CDKL1: variants seen among roughly 807,000 people sequenced by gnomAD.
CDKL1 encodes the protein cyclin dependent kinase like 1, also known as cyclin-dependent kinase-like 1.
Under a neutral mutation model 42.0 loss-of-function variants are expected in CDKL1, and 41 were observed. The ratio of observed to expected loss-of-function variants is 0.98; its 90% confidence interval spans 0.76 to 1.27. CDKL1 has a LOEUF of 1.27. CDKL1 is among the 50% of genes most tolerant of loss of function. The probability of loss-of-function intolerance (pLI) is 0.00; values close to 1 mark genes in which losing one functional copy is unlikely to be tolerated. For synonymous variants in CDKL1, 153 were observed against 158.6 expected (o/e 0.96, Z 0.26); for missense variants, 394 against 428.4 (o/e 0.92, Z 0.71).
At chr14:50,380,802 C>CTTTGTTTTTTTTTTTTTTTTTTT (rs368170212) in intron 2 of CDKL1, among the ~76,000 whole-genome samples, 3 of 134,604 alleles carry the variant, frequency 2.2e-5, no homozygotes, top group Admixed American at 1.5e-4. Flanking sequence ...CTGTGACTTC[C>CTTTGTTTTTTTTTTTTTTTTTTT]TTTTTTTTTT....
intron 8 of CDKL1, chr14:50,334,040 G>T (rs1339208077): frequency 6.6e-6 from 1 of 151,966 alleles, no homozygotes; most frequent in Non-Finnish European, 1.5e-5. Context: ...TTTCTGTTTT[G>T]TGTAAATTTA....
chr14:50,353,715 G>C (rs2033971667), intron 3 of CDKL1, among the ~76,000 whole-genome samples: 1 of 151,910 alleles, frequency 6.6e-6, no homozygotes, highest in Non-Finnish European at 1.5e-5. Flanking sequence ...TATAGATAGG[G>C]AGAAAGCTCC....
chr14:50,359,905 C>T (rs1457328942), intron 2 of CDKL1, among the ~76,000 whole-genome samples: 1 of 150,980 alleles, frequency 6.6e-6, no homozygotes, highest in Non-Finnish European at 1.5e-5. Context: ...AGAAGCACTA[C>T]AGCTAGGCAC....
chr14:50,373,229 A>G (rs1437325452), intron 2 of CDKL1, among the ~76,000 whole-genome samples: 1 of 152,232 alleles, frequency 6.6e-6, no homozygotes, highest in Non-Finnish European at 1.5e-5. Context: ...AAGTTGCAAC[A>G]AAGGGTTATA....
Position 50,328,849 on chromosome 14 carries a change from C to T in CDKL1, c.*1225G>A, listed in dbSNP as rs1198128425. The stretch of plus-strand genomic sequence containing the variant: ...TACCAAAAAATACAAAAAAATTAGC[C>T]AGTATAGTGGCACATGCCTGCAGTC... On this transcript the variant is annotated 3_prime_UTR_variant, in exon 10 of 10. Coordinates refer to ENST00000395834, the MANE Select transcript of CDKL1 (RefSeq NM_004196.7). 1.3e-5 allele frequency: 2 copies of T among 151,158 alleles called. No homozygotes were observed. Among genetic ancestry groups the T allele is most frequent in the Admixed American group, 1.3e-4 (2 of 15,140 alleles). The allele number at this position is 151,158 out of a possible 1,614,324, so 9.4% of individuals were successfully genotyped here.
At chr14:50,333,067 ATAGAT>A (rs140347263) in intron 8 of CDKL1, 5,146 of 163,246 alleles carry the variant, frequency 0.032, 293 homozygotes, top group African/African-American at 0.12. Flanking sequence ...TCATTCTTGG[ATAGAT>A]TAGATTAAAT....
intron 8 of CDKL1, chr14:50,332,718 A>C: frequency 6.6e-7 from 1 of 1,522,736 alleles, no homozygotes; most frequent in Non-Finnish European, 8.8e-7. Context: ...ATAATTTTAG[A>C]GTTTACCTCA....
At chr14:50,383,476 C>A (rs1159193587) in intron 2 of CDKL1, among the ~76,000 whole-genome samples, 1 of 149,944 alleles carries the variant, frequency 6.7e-6, no homozygotes, top group East Asian at 2.0e-4. Flanking sequence ...CTTGAACCTG[C>A]GGGGAGGAGG....
chr14:50,358,636 CTTTTT>C (rs71118873), intron 3 of CDKL1, among the ~76,000 whole-genome samples: 12 of 67,664 alleles, frequency 1.8e-4, no homozygotes, highest in South Asian at 1.1e-3. Context: ...TTTAACTAGT[CTTTTT>C]TTTTTTTTTT....
At chr14:50,335,873 G>C (rs1334775372) in intron 7 of CDKL1, 1 of 1,267,574 alleles carries the variant, frequency 7.9e-7, no homozygotes, top group Non-Finnish European at 1.0e-6. Flanking sequence ...TCATTGATAA[G>C]AGTAGGAGAG....
At chr14:50,368,186 C>T (rs2034484175) in intron 2 of CDKL1, among the ~76,000 whole-genome samples, 1 of 152,174 alleles carries the variant, frequency 6.6e-6, no homozygotes, top group African/African-American at 2.4e-5. Flanking sequence ...TCTTGAAATC[C>T]TGGGCTCAAG....
chr14:50,382,114 T>C (rs887582853), intron 2 of CDKL1, among the ~76,000 whole-genome samples: 4 of 152,126 alleles, frequency 2.6e-5, no homozygotes, highest in African/African-American at 9.7e-5. Flanking sequence ...GAAAGGAAAT[T>C]TGTGGCCTAA....
chr14:50,335,181 A>G (rs985282428), intron 7 of CDKL1, among the ~76,000 whole-genome samples: 2 of 150,940 alleles, frequency 1.3e-5, no homozygotes, highest in Admixed American at 1.3e-4. Context: ...CTCTAGTACT[A>G]GCTACTTGGG....
chr14:50,385,805 A>C (rs971984901), intron 2 of CDKL1, among the ~76,000 whole-genome samples: 1 of 141,232 alleles, frequency 7.1e-6, no homozygotes, highest in African/African-American at 2.9e-5. Flanking sequence ...CTCCGTCCCA[A>C]AAAAAAAAAA....
chr14:50,339,597 A>G (rs951171463), intron 6 of CDKL1, among the ~76,000 whole-genome samples: 1 of 152,098 alleles, frequency 6.6e-6, no homozygotes, highest in African/African-American at 2.4e-5. Context: ...GCTAGAAGGA[A>G]TACATTTCCA....
Position 50,330,120 on chromosome 14 carries a change from T to A in CDKL1, c.1028A>T (p.Tyr343Phe). 1 of 1,610,200 alleles carries A rather than the reference T, an allele frequency of 6.2e-7. No homozygotes were observed. Residue 343 changes from tyrosine (Y) to phenylalanine (F), a missense_variant, in exon 10 of 10, where the codon TAC (tyrosine) becomes TTC (phenylalanine). Coordinates refer to ENST00000395834, the MANE Select transcript of CDKL1 (RefSeq NM_004196.7). ...SILPALDNKK[Y>F]YCDTKKLNYR... ...GTTAAGTTTCTTGGTATCACAGTAG[T>A]ACTTCTTATTATCCAAAGCTGGAAG...
At chr14:50,342,905 C>G (rs775670583) in intron 4 of CDKL1, 1 of 1,332,744 alleles carries the variant, frequency 7.5e-7, no homozygotes, top group Non-Finnish European at 9.9e-7. Flanking sequence ...GCAGCCCTCA[C>G]CCTCTGGGGA....
At chr14:50,351,297 T>C (rs1404043798) in intron 3 of CDKL1, among the ~76,000 whole-genome samples, 2 of 150,950 alleles carry the variant, frequency 1.3e-5, no homozygotes, top group African/African-American at 4.9e-5. Context: ...GGGATACAGC[T>C]GGACAGCAGG....
chr14:50,360,673 C>T (rs1157738326), intron 2 of CDKL1, among the ~76,000 whole-genome samples: 1 of 152,156 alleles, frequency 6.6e-6, no homozygotes, highest in Non-Finnish European at 1.5e-5. Flanking sequence ...TCCCAAAGTG[C>T]TGGAATTATA....
Sources: allele counts gnomAD v4.1 joint callset (sites outside exome capture counted in the v4.1 genomes callset), GRCh38; gene constraint gnomAD v4.1.1; transcripts MANE v1.5; gene names NCBI Gene and HGNC (gene_info 2026-07-23, HGNC 2026-07-21).